ZDHHC3: variants seen among roughly 807,000 people sequenced by gnomAD.
ZDHHC3 encodes zDHHC palmitoyltransferase 3.
ZDHHC3 carries 9 observed loss-of-function variants against 30.6 expected under a neutral mutation model. That is an observed-to-expected ratio of 0.29 (90% CI 0.18 to 0.51). The LOEUF is 0.51. Ranked by LOEUF, ZDHHC3 falls within the 20% of genes least tolerant of loss-of-function variation. The pLI is 0.97. For missense variants in ZDHHC3, 246 were observed against 384.2 expected, an observed-to-expected ratio of 0.64 and a Z score of 3.01; for synonymous variants, 136 against 140.2, an observed-to-expected ratio of 0.97 and a Z score of 0.21.
At chr3:44,943,023 G>A (rs1702581340) in intron 3 of ZDHHC3, among the ~76,000 whole-genome samples, 1 of 152,162 alleles carries the variant, frequency 6.6e-6, no homozygotes, top group Non-Finnish European at 1.5e-5. Context: ...GGCACAGGAG[G>A]CAAGCCTTGA....
rs1700695723 is a variant in ZDHHC3, at chr3:44,922,802, T to C, written c.*3887A>G. The stretch of plus-strand genomic sequence containing the variant: ...GCATTTCTAACAAGTTCTCAGGTGA[T>C]GCTGATGTTGACGTTGCTGGTCTGG... On this transcript the variant is annotated 3_prime_UTR_variant, in exon 7 of 7. Transcript: ENST00000424952. 2 of 985,230 alleles carry C rather than the reference T, an allele frequency of 2.0e-6. No homozygotes were observed. The highest frequency in any genetic ancestry group is 6.1e-5 in the Admixed American group (1 of 16,264). 61.0% of individuals were successfully genotyped at this position (985,230 alleles called of 1,614,324 possible). A position where few individuals can be genotyped will look rare whatever the true frequency, so the allele number is the denominator to read the frequency against.
At position 44,950,558 on chromosome 3, in the gene ZDHHC3, C is replaced by G. The variant is rs369265097; in HGVS notation, c.307-5266G>C. 1.1e-4 allele frequency among the ~76,000 whole-genome samples: 16 copies of G among 152,270 alleles called. No homozygotes were observed. In the East Asian group the frequency reaches 1.7e-3, roughly 17 times the overall value. Reference sequence around the variant, plus strand: ...AATGAGACTCCATTTGCATAAATCTCCCAAAAGGCCCATCTCCATTCAGGC... The same window carrying G: ...AATGAGACTCCATTTGCATAAATCTGCCAAAAGGCCCATCTCCATTCAGGC... On this transcript the variant is annotated intron_variant, in intron 2 of 6. Transcript: ENST00000424952.
At position 44,944,327 on chromosome 3, in the gene ZDHHC3, G is replaced by C. The variant is rs537285428; in HGVS notation, c.431+841C>G. Among the ~76,000 whole-genome samples the C allele has an allele frequency of 1.2e-4, 19 of 152,102 alleles. 1 individual carries two copies. In the South Asian group the frequency reaches 4.0e-3, roughly 32 times the overall value. On this transcript the variant is annotated intron_variant, in intron 3 of 6. Coordinates refer to ENST00000424952, the MANE Select transcript of ZDHHC3 (RefSeq NM_001135179.2). ...ACGCCCGGCTAATTTTGTATCTTTA[G>C]TAAAGACAGAGTTTCTCCATGTTGG...
intron 2 of ZDHHC3, among the ~76,000 whole-genome samples, chr3:44,953,788 T>C (rs28661415): frequency 0.024 from 3,713 of 152,258 alleles, 156 homozygotes; most frequent in African/African-American, 0.082. Context: ...GGGTGAGAAG[T>C]TGCCTGGCAT....
intron 2 of ZDHHC3, among the ~76,000 whole-genome samples, chr3:44,956,973 C>T (rs1184752727): frequency 6.6e-6 from 1 of 152,164 alleles, no homozygotes; most frequent in Non-Finnish European, 1.5e-5. Context: ...TTTTGATCAC[C>T]CTGGTCCTAG....
Position 44,933,203 on chromosome 3 carries a change from A to G in ZDHHC3, c.529-4T>C. The stretch of plus-strand genomic sequence containing the variant: ...AGGAAATGAGAGCTATGTACATCTG[A>G]AACAGGAAACCAGTGCAGACACCAT... On this transcript the variant is annotated splice_region_variant and splice_polypyrimidine_tract_variant and intron_variant, in intron 4 of 6. Transcript: ENST00000424952. 6.2e-7 allele frequency: 1 copy of G among 1,613,894 alleles called. No individual in the cohort carries two copies.
Position 44,923,529 on chromosome 3 carries a change from C to T in ZDHHC3, c.*3160G>A. The T allele has an allele frequency of 1.0e-6, 1 of 985,380 alleles. No individual in the cohort carries two copies. Among genetic ancestry groups the T allele is most frequent in the Non-Finnish European group, 1.2e-6 (1 of 829,928 alleles). The allele number at this position is 985,380 out of a possible 1,614,324, so 61.0% of individuals were successfully genotyped here. A position where few individuals can be genotyped will look rare whatever the true frequency, so the allele number is the denominator to read the frequency against. ...TTTTCAAGAAGTACAGGGCTGGGCC[C>T]AGTGGCTCACGCCTGTAATCCCAGG... On this transcript the variant is annotated 3_prime_UTR_variant, in exon 7 of 7. Transcript: ENST00000424952.
chr3:44,918,572 T>C lies in ZDHHC3; in HGVS notation c.*8117A>G. On this transcript the variant is annotated 3_prime_UTR_variant, in exon 7 of 7. Transcript: ENST00000424952. The stretch of plus-strand genomic sequence containing the variant: ...ATATTTTTGGCCACTCCCACCAGGG[T>C]AGATAGGGGCTGCAAACACAGCAGA... The C allele has an allele frequency of 1.0e-6, 1 of 985,232 alleles. No individual in the cohort carries two copies. 61.0% of individuals were successfully genotyped at this position (985,232 alleles called of 1,614,324 possible). A position where few individuals can be genotyped will look rare whatever the true frequency, so the allele number is the denominator to read the frequency against.
chr3:44,947,604 C>G (rs1056519845), intron 2 of ZDHHC3, among the ~76,000 whole-genome samples: 3 of 152,206 alleles, frequency 2.0e-5, no homozygotes, highest in African/African-American at 7.2e-5. Context: ...TTTTCTGGGT[C>G]TGGTGTTGGC....
rs1213212008 is a variant in ZDHHC3 at position 44,918,161 on chromosome 3, TGAA to T, written c.*8525_*8527del. 3 of 1,300,382 alleles carry T rather than the reference TGAA, an allele frequency of 2.3e-6. No homozygotes were observed. The highest frequency in any genetic ancestry group is 3.1e-5 in the African/African-American group (2 of 65,468). The allele number at this position is 1,300,382 out of a possible 1,614,324, so 80.6% of individuals were successfully genotyped here. Reference sequence around the variant, plus strand: ...TCGATGCCCTGCAGGGAGAAGGGGATGAAGAACATCGTCAGCGTGGTGCTGGGC... The same window carrying T: ...TCGATGCCCTGCAGGGAGAAGGGGATGAACATCGTCAGCGTGGTGCTGGGC... On this transcript the variant is annotated 3_prime_UTR_variant, in exon 7 of 7. Coordinates refer to ENST00000424952, the MANE Select transcript of ZDHHC3 (RefSeq NM_001135179.2).
chr3:44,942,938 G>C (rs1483392503), intron 3 of ZDHHC3, among the ~76,000 whole-genome samples: 1 of 152,182 alleles, frequency 6.6e-6, no homozygotes, highest in East Asian at 1.9e-4. Context: ...AAAAAAATCT[G>C]AGTGATGGTT....
At position 44,917,699 on chromosome 3, in the gene ZDHHC3, C is replaced by T. The variant is rs1346761071; in HGVS notation, c.*8990G>A. On this transcript the variant is annotated 3_prime_UTR_variant, in exon 7 of 7. Coordinates refer to ENST00000424952, the MANE Select transcript of ZDHHC3 (RefSeq NM_001135179.2). Reference sequence around the variant, plus strand: ...AAAGCCCCCATCCTCCTCTGATGTCCCCAGCCTACTCCCGACCCCCAGACC... The same window carrying T: ...AAAGCCCCCATCCTCCTCTGATGTCTCCAGCCTACTCCCGACCCCCAGACC... 3.3e-5 allele frequency: 16 copies of T among 485,428 alleles called. No homozygotes were observed. Among genetic ancestry groups the T allele is most frequent in the Non-Finnish European group, 5.4e-5 (16 of 297,554 alleles). 30.1% of individuals were successfully genotyped at this position (485,428 alleles called of 1,614,324 possible). A position where few individuals can be genotyped will look rare whatever the true frequency, so the allele number is the denominator to read the frequency against.
intron 4 of ZDHHC3, 99 bp from the exon 5 acceptor site, chr3:44,933,298 C>A: frequency 8.9e-7 from 1 of 1,117,516 alleles, no homozygotes; most frequent in Non-Finnish European, 1.3e-6. Context: ...CTCAGGAACA[C>A]TTAGTCAGGA....
At chr3:44,929,628 G>C (rs1487829610) in intron 5 of ZDHHC3, among the ~76,000 whole-genome samples, 192 bp from the exon 6 acceptor site, 1 of 152,124 alleles carries the variant, frequency 6.6e-6, no homozygotes, top group East Asian at 1.9e-4. Context: ...AATCCCTCAG[G>C]GAGGCCTCCT....
intron 2 of ZDHHC3, among the ~76,000 whole-genome samples, chr3:44,946,245 C>A (rs778275528): frequency 2.6e-5 from 4 of 152,238 alleles, no homozygotes; most frequent in Non-Finnish European, 5.9e-5. Flanking sequence ...CCAGAGCTGC[C>A]CTCTGATTTG....
At chr3:44,965,106 T>C (rs1199273159) in intron 1 of ZDHHC3, among the ~76,000 whole-genome samples, 5 of 151,992 alleles carry the variant, frequency 3.3e-5, no homozygotes, top group Non-Finnish European at 5.9e-5. Context: ...GGGCAGTGTG[T>C]GGGAAGTCAA....
chr3:44,959,512 G>A lies in ZDHHC3; in HGVS notation c.-24-52C>T, dbSNP rs1053189345. The A allele has an allele frequency of 1.3e-5, 20 of 1,524,834 alleles. No individual in the cohort carries two copies. The highest frequency in any genetic ancestry group is 1.7e-5 in the Non-Finnish European group (19 of 1,126,568). 94.5% of individuals were successfully genotyped at this position (1,524,834 alleles called of 1,614,324 possible). On this transcript the variant is annotated intron_variant, in intron 1 of 6. Coordinates refer to ENST00000424952, the MANE Select transcript of ZDHHC3 (RefSeq NM_001135179.2). This position sits in a 1 kb window ranked among gnomAD's most constrained non-coding sequence, Gnocchi z 4.3. ...AACTTGGTGTTGTCTTGTCATCAAG[G>A]AGGTTTGACAAAATTGCTCCCATAG...
intron 2 of ZDHHC3, among the ~76,000 whole-genome samples, chr3:44,945,769 G>A (rs1427479482): frequency 6.6e-6 from 1 of 152,034 alleles, no homozygotes; most frequent in Non-Finnish European, 1.5e-5. Flanking sequence ...ATGTTGGCCA[G>A]GATGGTCTCA....
chr3:44,947,005 T>C (rs1703000393), intron 2 of ZDHHC3, among the ~76,000 whole-genome samples: 1 of 152,166 alleles, frequency 6.6e-6, no homozygotes, highest in African/African-American at 2.4e-5. Flanking sequence ...TAGGAGGTTA[T>C]TGTTGATGGT....
Sources: allele counts gnomAD v4.1 joint callset (sites outside exome capture counted in the v4.1 genomes callset), GRCh38; gene constraint gnomAD v4.1.1; non-coding constraint Gnocchi (gnomAD v3.1); transcripts MANE v1.5; gene names NCBI Gene and HGNC (gene_info 2026-07-23, HGNC 2026-07-21).